Variants in TRIM37 observed in about 807,000 individuals in gnomAD.
The protein encoded by TRIM37 is E3 ubiquitin-protein ligase TRIM37.
TRIM37 carries 80 observed loss-of-function variants against 129.8 expected under a neutral mutation model. That is an observed-to-expected ratio of 0.62 (90% CI 0.51 to 0.74). TRIM37 has a LOEUF of 0.74. Ranked by LOEUF, TRIM37 falls within the 30% of genes least tolerant of loss-of-function variation. The pLI is 0.00. For missense variants in TRIM37, 1,054 were observed against 1,176.5 expected, an observed-to-expected ratio of 0.90 and a Z score of 1.52; for synonymous variants, 389 against 387.1, an observed-to-expected ratio of 1.00 and a Z score of -0.06.
Position 59,037,133 on chromosome 17 carries a change from A to C in TRIM37, c.1753+4680T>G, listed in dbSNP as rs181324050. Among the ~76,000 whole-genome samples the C allele has an allele frequency of 6.4e-4, 97 of 151,990 alleles. 1 individual carries two copies. Among genetic ancestry groups the C allele is most frequent in the African/African-American group, 2.3e-3 (96 of 41,486 alleles). On this transcript the variant is annotated intron_variant, in intron 17 of 23. Transcript: ENST00000262294. ...CCATCTCAAAAAACAAAACAAAACA[A>C]AACAAAAACAAAAAACACATAAACC...
chr17:58,975,016 T>A, the TRIM37 span, among the ~76,000 whole-genome samples: 1 of 152,202 alleles, frequency 6.6e-6, no homozygotes, highest in Non-Finnish European at 1.5e-5. Flanking sequence ...ATGGAATTAT[T>A]ATTATTATTA....
intron 2 of TRIM37, among the ~76,000 whole-genome samples, chr17:59,095,293 C>G (rs752440755): frequency 6.6e-6 from 1 of 151,844 alleles, no homozygotes; most frequent in Non-Finnish European, 1.5e-5. Context: ...CCAAAGATAA[C>G]GTTTCAAGAA....
intron 17 of TRIM37, among the ~76,000 whole-genome samples, chr17:59,035,145 C>A (rs1442175256): frequency 2.6e-5 from 4 of 151,944 alleles, no homozygotes; most frequent in Non-Finnish European, 5.9e-5. Context: ...CCGCAACTTC[C>A]ACCTCCCAGT....
At chr17:58,991,045 C>T (rs1232936180) in intron 24 of TRIM37, among the ~76,000 whole-genome samples, 2 of 150,856 alleles carry the variant, frequency 1.3e-5, no homozygotes, top group Middle Eastern at 6.9e-3. Flanking sequence ...TGTGGTGGCG[C>T]ACGCCTGTAA....
chr17:59,106,043 A>G (rs923052415), intron 1 of TRIM37, among the ~76,000 whole-genome samples: 16 of 152,234 alleles, frequency 1.1e-4, no homozygotes, highest in Non-Finnish European at 2.2e-4. Context: ...TGTGCCACTG[A>G]GAGGGAAAGA....
intron 4 of TRIM37, among the ~76,000 whole-genome samples, chr17:59,087,172 T>C (rs2043829818): frequency 1.3e-5 from 2 of 152,132 alleles, no homozygotes; most frequent in Admixed American, 6.5e-5. Context: ...CTCGGCTCAC[T>C]GCAACTTACG....
chr17:59,057,097 A>C (rs755775197), intron 12 of TRIM37, 43 bp from the exon 13 acceptor site: 68 of 1,575,014 alleles, frequency 4.3e-5, no homozygotes, highest in Non-Finnish European at 4.6e-5. Flanking sequence ...TTAGTAAAGT[A>C]AGAATAAAAA....
In TRIM37 at chr17:59,063,386, C is replaced by T. The variant is rs146424263; in HGVS notation, c.861-738G>A. 5.6e-3 allele frequency among the ~76,000 whole-genome samples: 857 copies of T among 152,220 alleles called. 4 individuals are homozygous for T. The highest frequency in any genetic ancestry group is 0.016 in the South Asian group (75 of 4,816). On this transcript the variant is annotated intron_variant, in intron 10 of 23. Transcript: ENST00000262294. ...GTAGAGACGGGGTTTACCATGTTGGCCAGGCTGGTCTTGAACTCCTGACCT... is the reference window on the plus strand; with the variant it reads ...GTAGAGACGGGGTTTACCATGTTGGTCAGGCTGGTCTTGAACTCCTGACCT...
chr17:59,019,361 G>T (rs2036311223), intron 19 of TRIM37, among the ~76,000 whole-genome samples: 1 of 152,156 alleles, frequency 6.6e-6, no homozygotes, highest in African/African-American at 2.4e-5. Context: ...CCTTGAAAGG[G>T]CTGTGTTAAG....
chr17:59,084,927 T>G (rs113766284), intron 4 of TRIM37, among the ~76,000 whole-genome samples: 20 of 152,198 alleles, frequency 1.3e-4, no homozygotes, highest in Admixed American at 7.9e-4. Context: ...CTATCAGAAC[T>G]GTGAGAAAAT....
intron 21 of TRIM37, 109 bp downstream of exon 21, chr17:59,015,500 TA>T (rs1489961686): frequency 1.3e-5 from 15 of 1,164,362 alleles, no homozygotes; most frequent in Non-Finnish European, 1.0e-5. Flanking sequence ...TTCTGTCCAC[TA>T]AAAAATTAAC....
chr17:59,060,976 C>A, intron 12 of TRIM37, 56 bp downstream of exon 12: 1 of 1,307,572 alleles, frequency 7.6e-7, no homozygotes, highest in African/African-American at 1.5e-5. Context: ...ACAAAAATTG[C>A]TAGGGGGAAG....
rs757854605 is a variant in TRIM37 at position 59,056,952 on chromosome 17, G to A, written c.1122C>T (p.Gly374=). 1.9e-6 allele frequency: 3 copies of A among 1,613,602 alleles called. No individual in the cohort carries two copies. The highest frequency in any genetic ancestry group is 1.3e-5 in the African/African-American group (1 of 74,938). ...AGTCCAAACGGAAAAATCTATTATA[G>A]CCCCAGCATTCTCCAACTTCAAAGT... ...ASDFEVGECW[G]YNRFFRLDLL... The change falls in exon 13 of 24, where the codon GGC becomes GGT. Residue 374 remains glycine (G), a synonymous_variant. Transcript: ENST00000262294.
At chr17:59,082,782 A>G (rs1356468646) in intron 5 of TRIM37, among the ~76,000 whole-genome samples, 1 of 152,224 alleles carries the variant, frequency 6.6e-6, no homozygotes, top group Non-Finnish European at 1.5e-5. Flanking sequence ...TATTGTCTCC[A>G]AAAAAGATGT....
At chr17:59,030,122 T>C (rs1391312194) in intron 18 of TRIM37, among the ~76,000 whole-genome samples, 1 of 152,228 alleles carries the variant, frequency 6.6e-6, no homozygotes, top group Admixed American at 6.5e-5. Context: ...TTCATTTTTT[T>C]TTTTCATGGA....
Position 59,051,255 on chromosome 17 carries a change from C to A in TRIM37, c.1273G>T (p.Ala425Ser). ...QHWYITQLEA[A>S]QTSYIQQINN... ...ATTTGTTGGATATAACTAGTCTGTG[C>A]AGCTTCCAACTGAGTAATGTACCAA... is the stretch of plus-strand genomic sequence containing the variant. The change falls in exon 14 of 24, where the codon GCA becomes TCA. Residue 425 changes from alanine (A) to serine (S), a missense_variant. By Grantham distance (99) the Ala-to-Ser change is moderately conservative. This residue lies in a region of TRIM37 where 752 missense variants were observed against 870.8 expected (regional missense o/e 0.86). Transcript: ENST00000262294. The A allele has an allele frequency of 1.9e-6, 3 of 1,613,716 alleles. No homozygotes were observed. The highest frequency in any genetic ancestry group is 2.5e-6 in the Non-Finnish European group (3 of 1,179,778).
chr17:59,035,877 A>G (rs987911010), intron 17 of TRIM37, among the ~76,000 whole-genome samples: 1 of 152,200 alleles, frequency 6.6e-6, no homozygotes, highest in African/African-American at 2.4e-5. Flanking sequence ...GCCAAGCCAT[A>G]TGGATCTTGC....
At chr17:59,078,347 C>T (rs559517626) in intron 7 of TRIM37, among the ~76,000 whole-genome samples, 1 of 152,058 alleles carries the variant, frequency 6.6e-6, no homozygotes, top group Non-Finnish European at 1.5e-5. Flanking sequence ...AAAAGCAGGG[C>T]AAGTTCAGTT....
rs368314383 is a variant in TRIM37, at chr17:58,999,062, T to C, written c.*315A>G. ...ATGCAGGGCCTGGAGGTACATTTTC[T>C]GGCAGTTAACCAGCCTTCTGCTGTA... On this transcript the variant is annotated 3_prime_UTR_variant, in exon 24 of 24. Transcript: ENST00000262294. 2 of 1,178,132 alleles carry C rather than the reference T, an allele frequency of 1.7e-6. No homozygotes were observed. The highest frequency in any genetic ancestry group is 5.6e-5 in the East Asian group (1 of 17,842). 73.0% of individuals were successfully genotyped at this position (1,178,132 alleles called of 1,614,324 possible).
Sources: allele counts gnomAD v4.1 joint callset (sites outside exome capture counted in the v4.1 genomes callset), GRCh38; gene constraint gnomAD v4.1.1; regional missense constraint gnomAD v4.1.1; transcripts MANE v1.5; gene names NCBI Gene and HGNC (gene_info 2026-07-23, HGNC 2026-07-21).